TYW1: variants seen among roughly 807,000 people sequenced by gnomAD.
TYW1 encodes S-adenosyl-L-methionine-dependent tRNA 4-demethylwyosine synthase TYW1.
In TYW1, 46 loss-of-function variants were observed where a neutral mutation model predicts 96.2. The observed-to-expected ratio is 0.48, with a 90% CI of 0.38 to 0.61. The LOEUF is 0.61. Among genes scored for constraint, TYW1 ranks in the 20% least tolerant of loss-of-function variants. The pLI, the probability that TYW1 is intolerant of heterozygous loss-of-function variation, is 0.00. For missense variants in TYW1, 684 were observed against 909.6 expected (o/e 0.75, Z 3.19); for synonymous variants, 274 against 323.0 (o/e 0.85, Z 1.63).
intron 3 of TYW1, among the ~76,000 whole-genome samples, chr7:67,008,014 A>G (rs956039167): frequency 3.7e-4 from 57 of 152,124 alleles, no homozygotes; most frequent in African/African-American, 1.4e-3. Context: ...CCCACTTCAG[A>G]CACCAGTCAC....
In TYW1 at chr7:67,183,185, G is replaced by C; in HGVS notation, c.1758G>C (p.Gln586His). Residue 586 changes from glutamine (Q) to histidine (H), a missense_variant, in exon 14 of 16, where the codon CAG becomes CAC. By Grantham distance (24) the Gln-to-His change is conservative (BLOSUM62 0). Coordinates refer to ENST00000359626, the MANE Select transcript of TYW1 (RefSeq NM_018264.4). ...LVKAWNVDELQAYAQLVSLGN... is the reference protein window; with the variant it reads ...LVKAWNVDELHAYAQLVSLGN... Reference sequence around the variant, plus strand: ...AAGCATGGAACGTGGACGAGCTCCAGGCCTACGCGCAGCTCGTGTCCCTGG... The same window carrying C: ...AAGCATGGAACGTGGACGAGCTCCACGCCTACGCGCAGCTCGTGTCCCTGG... 1 of 1,611,662 alleles carries C rather than the reference G, an allele frequency of 6.2e-7. No homozygotes were observed.
chr7:67,175,397 C>T (rs1217370415), intron 13 of TYW1, among the ~76,000 whole-genome samples: 2 of 152,054 alleles, frequency 1.3e-5, no homozygotes, highest in African/African-American at 4.8e-5. Context: ...TCTCGAACTC[C>T]CAACCTCAGG....
intron 15 of TYW1, among the ~76,000 whole-genome samples, chr7:67,211,667 C>T (rs1801030203): frequency 6.6e-6 from 1 of 152,196 alleles, no homozygotes; most frequent in Non-Finnish European, 1.5e-5. Flanking sequence ...AGCCTCCTCC[C>T]CTTGCTCATC....
At chr7:67,117,064 T>G (rs1797618470) in intron 12 of TYW1, among the ~76,000 whole-genome samples, 1 of 152,064 alleles carries the variant, frequency 6.6e-6, no homozygotes, top group Non-Finnish European at 1.5e-5. Flanking sequence ...CCGTCAGTGA[T>G]TGATGGAGGG....
intron 15 of TYW1, among the ~76,000 whole-genome samples, chr7:67,210,844 A>C (rs1800986680): frequency 6.7e-6 from 1 of 148,760 alleles, no homozygotes; most frequent in East Asian, 2.0e-4. Flanking sequence ...CCATCTATCA[A>C]TCCATCCATC....
chr7:67,058,994 A>G (rs1795613566), intron 9 of TYW1, among the ~76,000 whole-genome samples: 1 of 152,008 alleles, frequency 6.6e-6, no homozygotes, highest in South Asian at 2.1e-4. Context: ...GAGCATTGCA[A>G]TGGGAATATG....
intron 15 of TYW1, among the ~76,000 whole-genome samples, chr7:67,220,424 C>T (rs1445879212): frequency 1.3e-5 from 2 of 151,944 alleles, no homozygotes; most frequent in African/African-American, 4.8e-5. Context: ...AGGATAGTCT[C>T]GATCTCCTGA....
At chr7:67,123,990 CT>C (rs1350613690) in intron 13 of TYW1, among the ~76,000 whole-genome samples, 12 of 152,056 alleles carry the variant, frequency 7.9e-5, no homozygotes, top group African/African-American at 2.9e-4. Flanking sequence ...GAATACTGAC[CT>C]TTTGAACCAA....
At chr7:67,063,510 G>A (rs139017593) in intron 9 of TYW1, among the ~76,000 whole-genome samples, 9,616 of 148,494 alleles carry the variant, frequency 0.065, 395 homozygotes, top group Non-Finnish European at 0.091. Context: ...TGATTGTTAT[G>A]TAGAAAATCT....
rs1554356615 is a variant in TYW1, at chr7:67,066,033, C to CACACA, written c.1156-1252_1156-1251insACACA. ...CACACACACACACACACACACACAC[C>CACACA]CACACCCCTATACACGTGTAAAGGC... On this transcript the variant is annotated intron_variant, in intron 9 of 15. Coordinates refer to ENST00000359626, the MANE Select transcript of TYW1 (RefSeq NM_018264.4). Among the ~76,000 whole-genome samples, 246 of 104,338 alleles carry CACACA rather than the reference C, an allele frequency of 2.4e-3. 1 individual carries two copies. The highest frequency in any genetic ancestry group is 5.1e-3 in the African/African-American group (131 of 25,568). 68.4% of individuals were successfully genotyped at this position (104,338 alleles called of 152,430 possible).
chr7:67,036,231 C>A (rs1243034423), intron 7 of TYW1, among the ~76,000 whole-genome samples: 1 of 150,448 alleles, frequency 6.6e-6, no homozygotes, highest in Non-Finnish European at 1.5e-5. Context: ...CTTCGGAATC[C>A]TATTATGGCC....
At chr7:67,156,923 G>C (rs1010023867) in intron 13 of TYW1, among the ~76,000 whole-genome samples, 3 of 151,924 alleles carry the variant, frequency 2.0e-5, no homozygotes, top group African/African-American at 7.3e-5. Flanking sequence ...TAGGGTTGCA[G>C]GTGTCAGTGG....
intron 13 of TYW1, among the ~76,000 whole-genome samples, chr7:67,157,300 T>G (rs1233644627): frequency 6.6e-6 from 1 of 152,236 alleles, no homozygotes; most frequent in African/African-American, 2.4e-5. Context: ...GTTGTTTATT[T>G]TTTGAGATGG....
intron 10 of TYW1, among the ~76,000 whole-genome samples, chr7:67,071,086 G>C (rs1268944113): frequency 1.3e-5 from 2 of 151,610 alleles, no homozygotes; most frequent in Admixed American, 1.3e-4. Flanking sequence ...AGCCTAGATC[G>C]CGCCACTGCA....
chr7:67,014,640 TGCACACAC>T, intron 5 of TYW1, 79 bp downstream of exon 5: 3 of 1,508,174 alleles, frequency 2.0e-6, no homozygotes, highest in Non-Finnish European at 2.7e-6. Context: ...CACACACACG[TGCACACAC>T]GCACACACAC....
At position 67,168,128 on chromosome 7, in the gene TYW1, C is replaced by A. The variant is rs566628317; in HGVS notation, c.1699-14998C>A. ...ATTCCTAGCTTTATGTGACTATTAT[C>A]AATGGCTATTGGGTTTTTATCATAT... On this transcript the variant is annotated intron_variant, in intron 13 of 15. Coordinates refer to ENST00000359626, the MANE Select transcript of TYW1 (RefSeq NM_018264.4). Among the ~76,000 whole-genome samples, 199 of 131,016 alleles carry A rather than the reference C, an allele frequency of 1.5e-3. 11 individuals carry two copies. Among genetic ancestry groups the A allele is most frequent in the African/African-American group, 5.8e-3 (192 of 33,274 alleles). The allele number at this position is 131,016 out of a possible 152,430, so 86.0% of individuals were successfully genotyped here.
intron 15 of TYW1, among the ~76,000 whole-genome samples, chr7:67,208,014 C>T (rs1040831750): frequency 1.6e-4 from 25 of 152,130 alleles, no homozygotes; most frequent in Admixed American, 1.6e-3. Context: ...AGCCACTGCA[C>T]CCAGCTCACT....
At chr7:67,124,056 G>A (rs928298082) in intron 13 of TYW1, among the ~76,000 whole-genome samples, 4 of 152,090 alleles carry the variant, frequency 2.6e-5, no homozygotes, top group East Asian at 3.9e-4. Context: ...TTAAAGAATT[G>A]CATAGCATAT....
intron 13 of TYW1, among the ~76,000 whole-genome samples, chr7:67,164,903 A>G (rs1216010123): frequency 6.6e-6 from 1 of 152,012 alleles, no homozygotes; most frequent in Non-Finnish European, 1.5e-5. Context: ...TTATAAAGCT[A>G]GAATAAACAT....
Sources: gnomAD v4.1 joint callset for allele counts (sites outside exome capture counted in the v4.1 genomes callset) on GRCh38, gnomAD v4.1.1 for gene constraint, MANE v1.5 for transcripts, NCBI Gene and HGNC (gene_info 2026-07-23, HGNC 2026-07-21) for gene names.